Variants in ZFR2 observed in about 807,000 individuals in gnomAD.
The protein encoded by ZFR2 is zinc finger RNA binding protein 2.
Under a neutral mutation model 105.7 loss-of-function variants are expected in ZFR2, and 104 were observed. The ratio of observed to expected loss-of-function variants is 0.98; its 90% confidence interval spans 0.84 to 1.16. The LOEUF is 1.16. Among genes scored for constraint, ZFR2 ranks in the 50% most tolerant of loss-of-function variants. The pLI, the probability that ZFR2 is intolerant of heterozygous loss-of-function variation, is 0.00. For synonymous variants in ZFR2, 634 were observed against 597.7 expected (o/e 1.06, Z -0.89); for missense variants, 1,425 against 1,355.5 (o/e 1.05, Z -0.80).
rs2037916940 is a variant in ZFR2 at position 3,823,420 on chromosome 19, T to C, written c.1214-17A>G. The C allele has an allele frequency of 6.3e-7, 1 of 1,591,930 alleles. No individual in the cohort carries two copies. The highest frequency in any genetic ancestry group is 8.5e-7 in the Non-Finnish European group (1 of 1,170,076). On this transcript the variant is annotated splice_polypyrimidine_tract_variant and intron_variant, in intron 7 of 18. Transcript: ENST00000262961. This position sits in a 1 kb window ranked among gnomAD's most constrained non-coding sequence, Gnocchi z 5.4. ...CAGGAGGCCCTGAGGGGAAAAACCA[T>C]GTCACTTATACCCTGTTCCAGGAGA... is the stretch of plus-strand genomic sequence containing the variant.
Position 3,838,957 on chromosome 19 carries a change from C to T in ZFR2, c.54-3974G>A, listed in dbSNP as rs974094997. On this transcript the variant is annotated intron_variant, in intron 1 of 18. Coordinates refer to ENST00000262961, the MANE Select transcript of ZFR2 (RefSeq NM_015174.2). This position sits in a 1 kb window ranked among gnomAD's most constrained non-coding sequence, Gnocchi z 4.9. ...AGGGAGGTCAGGCACATGTGCTGAA[C>T]GGCGCTTGTGTTGGGGAGGGCTCTG... is the stretch of plus-strand genomic sequence containing the variant. Among the ~76,000 whole-genome samples, 14 of 152,056 alleles carry T rather than the reference C, an allele frequency of 9.2e-5. No individual in the cohort carries two copies. The highest frequency in any genetic ancestry group is 5.9e-4 in the Admixed American group (9 of 15,256).
At chr19:3,839,465 G>A (rs554624561) in intron 1 of ZFR2, among the ~76,000 whole-genome samples, 74 of 140,436 alleles carry the variant, frequency 5.3e-4, no homozygotes, top group South Asian at 2.2e-3. Context: ...CCCAGGAGGC[G>A]GAGGCGGAGG....
intron 3 of ZFR2, among the ~76,000 whole-genome samples, chr19:3,832,348 A>T (rs2038026691): frequency 1.3e-5 from 2 of 149,086 alleles, no homozygotes; most frequent in Admixed American, 1.4e-4. Context: ...TTTGAGTCGG[A>T]GTCTTGCTTT....
At chr19:3,865,394 G>C (rs1249266507) in intron 1 of ZFR2, among the ~76,000 whole-genome samples, 1 of 152,088 alleles carries the variant, frequency 6.6e-6, no homozygotes, top group Non-Finnish European at 1.5e-5. Context: ...CTGTTGCCCA[G>C]GCTGGAGTCC....
At chr19:3,841,546 G>C (rs2038133003) in intron 1 of ZFR2, among the ~76,000 whole-genome samples, 1 of 152,040 alleles carries the variant, frequency 6.6e-6, no homozygotes, top group African/African-American at 2.4e-5. Context: ...AATTAGCCGG[G>C]TGTGGTGGAG....
chr19:3,807,362 G>A (rs1599215864), intron 17 of ZFR2, 93 bp from the exon 18 acceptor site: 1 of 917,330 alleles, frequency 1.1e-6, no homozygotes, highest in Non-Finnish European at 1.7e-6. Flanking sequence ...GGGGCCTCAG[G>A]GGCCCGTGCA....
At chr19:3,859,787 C>A (rs545586258) in intron 1 of ZFR2, among the ~76,000 whole-genome samples, 8 of 152,350 alleles carry the variant, frequency 5.3e-5, no homozygotes, top group Admixed American at 5.2e-4. Flanking sequence ...CACACACACA[C>A]CCAGAATTTC....
chr19:3,807,339 C>A, intron 17 of ZFR2, 70 bp from the exon 18 acceptor site: 1 of 1,202,784 alleles, frequency 8.3e-7, no homozygotes, highest in Non-Finnish European at 1.2e-6. Flanking sequence ...ACAGGGCCGT[C>A]CCTCGACACC....
intron 6 of ZFR2, among the ~76,000 whole-genome samples, chr19:3,826,374 C>A (rs923499770): frequency 6.6e-6 from 1 of 151,954 alleles, no homozygotes; most frequent in African/African-American, 2.4e-5. Flanking sequence ...GCCAGCTGTC[C>A]CCTCCCTGCT....
chr19:3,816,585 T>G, intron 13 of ZFR2, 89 bp downstream of exon 13: 1 of 1,477,646 alleles, frequency 6.8e-7, no homozygotes, highest in Non-Finnish European at 9.0e-7. Context: ...GTAACAAAGG[T>G]CCCCTGCCAT....
At chr19:3,844,543 T>A (rs1320683410) in intron 1 of ZFR2, among the ~76,000 whole-genome samples, 2 of 152,220 alleles carry the variant, frequency 1.3e-5, no homozygotes, top group Admixed American at 6.5e-5. Flanking sequence ...AATTTTTGTA[T>A]TTTTGGTAGA....
At chr19:3,815,367 G>A (rs1287658598) in intron 13 of ZFR2, among the ~76,000 whole-genome samples, 1 of 152,224 alleles carries the variant, frequency 6.6e-6, no homozygotes, top group Non-Finnish European at 1.5e-5. Flanking sequence ...TGGGATTACA[G>A]GCATGAGCCA....
At chr19:3,866,088 T>TCC (rs2038424295) in intron 1 of ZFR2, among the ~76,000 whole-genome samples, 4 of 152,106 alleles carry the variant, frequency 2.6e-5, no homozygotes, top group African/African-American at 9.7e-5. Context: ...GCGATCCGCT[T>TCC]GCCTCGGCCT....
At chr19:3,865,353 T>G (rs945904181) in intron 1 of ZFR2, among the ~76,000 whole-genome samples, 1 of 152,120 alleles carries the variant, frequency 6.6e-6, no homozygotes, top group Admixed American at 6.6e-5. Context: ...ATCATTTTTT[T>G]GTTCATTTGT....
At chr19:3,833,260 A>G (rs926379414) in intron 3 of ZFR2, among the ~76,000 whole-genome samples, 1 of 145,668 alleles carries the variant, frequency 6.9e-6, no homozygotes, top group African/African-American at 2.5e-5. Flanking sequence ...AAAAAAAAAA[A>G]AAAAAAGAAA....
intron 1 of ZFR2, among the ~76,000 whole-genome samples, chr19:3,850,067 GCTGT>G (rs1355271158): frequency 6.6e-6 from 1 of 152,154 alleles, no homozygotes; most frequent in African/African-American, 2.4e-5. Context: ...CCGCCACTCT[GCTGT>G]CTGATGGCAG....
chr19:3,841,563 T>C (rs193039927), intron 1 of ZFR2, among the ~76,000 whole-genome samples: 45 of 151,898 alleles, frequency 3.0e-4, no homozygotes, highest in Non-Finnish European at 5.4e-4. Context: ...GGAGCACCTG[T>C]AGTCCCAGCT....
Position 3,831,415 on chromosome 19 carries a change from C to T in ZFR2, c.740G>A (p.Arg247Lys), listed in dbSNP as rs1269514898. Residue 247 changes from arginine (R) to lysine (K), a missense_variant, in exon 5 of 19, where the codon AGG becomes AAG. Coordinates refer to ENST00000262961, the MANE Select transcript of ZFR2 (RefSeq NM_015174.2). The stretch of plus-strand genomic sequence containing the variant: ...GGGAAGCGGTGGCTTCGAGTCGGCC[C>T]TGGGGCTGCTTCCTGAGCCTGCAGG... ...PAPAGSGSSPRADSKPPLPSK... is the reference protein window; with the variant it reads ...PAPAGSGSSPKADSKPPLPSK... 1 of 1,554,890 alleles carries T rather than the reference C, an allele frequency of 6.4e-7. No individual in the cohort carries two copies. The highest frequency in any genetic ancestry group is 8.7e-7 in the Non-Finnish European group (1 of 1,151,096).
chr19:3,806,839 G>T (rs2285957), intron 18 of ZFR2, among the ~76,000 whole-genome samples: 34,753 of 152,216 alleles, frequency 0.23, 4,123 homozygotes, highest in South Asian at 0.36. Flanking sequence ...GTAACCACAG[G>T]TGAGGGCTGG....
Sources: allele counts gnomAD v4.1 joint callset (sites outside exome capture counted in the v4.1 genomes callset), GRCh38; gene constraint gnomAD v4.1.1; non-coding constraint Gnocchi (gnomAD v3.1); transcripts MANE v1.5; gene names NCBI Gene and HGNC (gene_info 2026-07-23, HGNC 2026-07-21).